The following TANC1 variants were observed in gnomAD, a reference collection of about 807,000 sequenced individuals.
The protein encoded by TANC1 is protein TANC1.
Under a neutral mutation model 149.7 loss-of-function variants are expected in TANC1, and 77 were observed. The observed-to-expected ratio is 0.51, with a 90% CI of 0.43 to 0.62. TANC1 has a LOEUF of 0.62. TANC1 is among the 20% of genes least tolerant of loss of function. TANC1 has a pLI of 0.00. For missense variants in TANC1, 1,985 were observed against 2,321.8 expected (o/e 0.85, Z 2.98); for synonymous variants, 854 against 925.0 (o/e 0.92, Z 1.39).
At chr2:159,080,890 G>T (rs1413279276) in intron 3 of TANC1, among the ~76,000 whole-genome samples, 1 of 152,220 alleles carries the variant, frequency 6.6e-6, no homozygotes, top group Non-Finnish European at 1.5e-5. Context: ...CTCCTGACCA[G>T]CAGGTAGGTT....
intron 24 of TANC1, 38 bp downstream of exon 24, chr2:159,225,817 C>T (rs777188190): frequency 2.6e-5 from 37 of 1,441,690 alleles, no homozygotes; most frequent in Non-Finnish European, 3.6e-5. Context: ...ATTGAAACTG[C>T]CTGGGAGCAC....
chr2:159,129,103 C>T (rs1205295530), intron 4 of TANC1, among the ~76,000 whole-genome samples: 1 of 152,178 alleles, frequency 6.6e-6, no homozygotes, highest in African/African-American at 2.4e-5. Context: ...TCACTTTTCA[C>T]AGCCTCCAGA....
intron 3 of TANC1, among the ~76,000 whole-genome samples, chr2:159,094,436 C>T (rs1443592789): frequency 6.6e-6 from 1 of 152,142 alleles, no homozygotes; most frequent in African/African-American, 2.4e-5. Flanking sequence ...AGGCACAGCA[C>T]CTGCTTGCAT....
At chr2:159,036,191 A>G (rs2040179380) in intron 2 of TANC1, among the ~76,000 whole-genome samples, 1 of 151,906 alleles carries the variant, frequency 6.6e-6, no homozygotes, top group African/African-American at 2.4e-5. Context: ...GTCCTGGGAA[A>G]CCTCAGGTAT....
At chr2:159,107,008 C>T (rs414591) in intron 4 of TANC1, among the ~76,000 whole-genome samples, 49,445 of 151,946 alleles carry the variant, frequency 0.33, 8,744 homozygotes, top group East Asian at 0.63. Flanking sequence ...TTATTGGTGG[C>T]TTTTTTGTTT....
chr2:158,997,693 A>G (rs2036255871), intron 1 of TANC1, among the ~76,000 whole-genome samples: 1 of 152,250 alleles, frequency 6.6e-6, no homozygotes, highest in Admixed American at 6.5e-5. Context: ...AATTTGAGCA[A>G]CAAAATAAAT....
intron 4 of TANC1, among the ~76,000 whole-genome samples, chr2:159,101,890 G>A (rs2046748511): frequency 6.6e-6 from 1 of 152,164 alleles, no homozygotes. Context: ...ACAAGTGGGC[G>A]ATACTGCCCT....
chr2:159,115,690 C>T (rs139622422), intron 4 of TANC1, among the ~76,000 whole-genome samples: 88 of 152,186 alleles, frequency 5.8e-4, no homozygotes, highest in African/African-American at 2.0e-3. Flanking sequence ...TTTTGCATGC[C>T]ATTGGGAAGC....
At chr2:159,119,344 G>A (rs1281777395) in intron 4 of TANC1, among the ~76,000 whole-genome samples, 1 of 152,210 alleles carries the variant, frequency 6.6e-6, no homozygotes, top group Non-Finnish European at 1.5e-5. Flanking sequence ...ACCAGTGGAG[G>A]TGGGGGAGTT....
At position 159,045,812 on chromosome 2, in the gene TANC1, A is replaced by G. The variant is rs528266346; in HGVS notation, c.-15-20084A>G. Among the ~76,000 whole-genome samples, 6 of 152,332 alleles carry G rather than the reference A, an allele frequency of 3.9e-5. No individual in the cohort carries two copies. In the South Asian group the frequency reaches 1.2e-3, roughly 32 times the overall value. Reference sequence around the variant, plus strand: ...GTGCCATAATTCATATCGTAAAACTATTTTATAATTTTCACTTAAAATTGC... The same window carrying G: ...GTGCCATAATTCATATCGTAAAACTGTTTTATAATTTTCACTTAAAATTGC... On this transcript the variant is annotated intron_variant, in intron 2 of 26. Transcript: ENST00000263635.
At chr2:159,085,870 C>CT (rs1559230291) in intron 3 of TANC1, among the ~76,000 whole-genome samples, 1 of 152,212 alleles carries the variant, frequency 6.6e-6, no homozygotes, top group Non-Finnish European at 1.5e-5. Flanking sequence ...TGTTCAAACT[C>CT]TATCAGGCAT....
Position 159,178,827 on chromosome 2 carries a change from G to A in TANC1, c.2174G>A (p.Ser725Asn), listed in dbSNP as rs1174516951. The change falls in exon 14 of 27, where the codon AGC (serine) becomes AAC (asparagine). Residue 725 changes from serine (S) to asparagine (N), a missense_variant. By Grantham distance (46) the Ser-to-Asn change is conservative. Coordinates refer to ENST00000263635, the MANE Select transcript of TANC1 (RefSeq NM_033394.3). The stretch of plus-strand genomic sequence containing the variant: ...GGCCACTTGGTCATTAAGAGTGCCA[G>A]CTACAAGGTGGTGCCCGTGTCTCTC... ...QRGHLVIKSASYKVVPVSLSE... is the reference protein window; with the variant it reads ...QRGHLVIKSANYKVVPVSLSE... The A allele has an allele frequency of 1.2e-6, 2 of 1,614,220 alleles. No individual in the cohort carries two copies. The highest frequency in any genetic ancestry group is 1.7e-6 in the Non-Finnish European group (2 of 1,180,044).
In TANC1 at chr2:159,178,802, G is replaced by A; in HGVS notation, c.2149G>A (p.Gly717Ser). ...LKLTLDLFQR[G>S]HLVIKSASYK... The stretch of plus-strand genomic sequence containing the variant: ...GCTCACCCTGGACCTTTTCCAGAGG[G>A]GCCACTTGGTCATTAAGAGTGCCAG... The change falls in exon 14 of 27, where the codon GGC (glycine) becomes AGC (serine). Residue 717 changes from glycine to serine, a missense_variant. Gly to Ser is a moderately conservative substitution (Grantham distance 56, BLOSUM62 0). This residue lies in a region of TANC1 where 508 missense variants were observed against 714.2 expected (regional missense o/e 0.71). Coordinates refer to ENST00000263635, the MANE Select transcript of TANC1 (RefSeq NM_033394.3). The A allele has an allele frequency of 1.9e-6, 3 of 1,614,180 alleles. No individual in the cohort carries two copies. The highest frequency in any genetic ancestry group is 2.5e-6 in the Non-Finnish European group (3 of 1,180,034).
chr2:159,014,925 C>T (rs750899687), intron 2 of TANC1, among the ~76,000 whole-genome samples: 1 of 152,220 alleles, frequency 6.6e-6, no homozygotes. Flanking sequence ...TGGCTGCATT[C>T]ACAGGCTGGC....
At chr2:158,983,329 T>C (rs1471022985) in intron 1 of TANC1, among the ~76,000 whole-genome samples, 6 of 151,492 alleles carry the variant, frequency 4.0e-5, no homozygotes, top group Non-Finnish European at 7.4e-5. Flanking sequence ...TAGCCGGGCG[T>C]GGTGGCGGGT....
At chr2:159,141,937 G>T (rs1419977466) in intron 5 of TANC1, among the ~76,000 whole-genome samples, 1 of 152,126 alleles carries the variant, frequency 6.6e-6, no homozygotes, top group South Asian at 2.1e-4. Flanking sequence ...CAAGGCCGTA[G>T]ATCTACAGGA....
chr2:159,078,485 T>A (rs2043919648), intron 3 of TANC1, among the ~76,000 whole-genome samples: 1 of 152,226 alleles, frequency 6.6e-6, no homozygotes, highest in South Asian at 2.1e-4. Context: ...TTGTATCAGT[T>A]CTGTAAATTC....
rs368801912 is a variant in TANC1 at position 159,229,632 on chromosome 2, C to T, written c.4206C>T (p.Thr1402=). 7 of 1,613,760 alleles carry T rather than the reference C, an allele frequency of 4.3e-6. No individual in the cohort carries two copies. In the African/African-American group the frequency reaches 8.0e-5, roughly 18 times the overall value. ...AAGAGGCTGTGAAACTCTGTCCCAC[C>T]AATCAGGAAGTCAAGAGGCTTCTGG... The part of the protein sequence containing the change: ...DLQEAVKLCP[T]NQEVKRLLAR... Residue 1402 remains threonine, a synonymous_variant, in exon 27 of 27, where the codon ACC becomes ACT. Transcript: ENST00000263635.
intron 2 of TANC1, chr2:159,059,983 T>G (rs1270431023): frequency 5.1e-6 from 1 of 197,140 alleles, no homozygotes; most frequent in African/African-American, 2.4e-5. Context: ...TTGTTTTTTC[T>G]TATTTGCTTT....
Sources: allele counts gnomAD v4.1 joint callset (sites outside exome capture counted in the v4.1 genomes callset), GRCh38; gene constraint gnomAD v4.1.1; regional missense constraint gnomAD v4.1.1; transcripts MANE v1.5; gene names NCBI Gene and HGNC (gene_info 2026-07-23, HGNC 2026-07-21).